The following NAPB variants were observed in gnomAD, a reference collection of about 807,000 sequenced individuals.
NAPB encodes beta-soluble NSF attachment protein.
NAPB carries 26 observed loss-of-function variants against 44.7 expected under a neutral mutation model. The observed-to-expected ratio is 0.58, with a 90% CI of 0.43 to 0.81. NAPB has a LOEUF of 0.81. Among genes scored for constraint, NAPB ranks in the 30% least tolerant of loss-of-function variants. The pLI, the probability that NAPB is intolerant of heterozygous loss-of-function variation, is 0.00. For missense variants in NAPB, 315 were observed against 356.4 expected, an observed-to-expected ratio of 0.88 and a Z score of 0.94; for synonymous variants, 120 against 116.8, an observed-to-expected ratio of 1.03 and a Z score of -0.18.
chr20:23,410,355 A>G (rs1043049797), intron 1 of NAPB, among the ~76,000 whole-genome samples: 1 of 152,070 alleles, frequency 6.6e-6, no homozygotes, highest in African/African-American at 2.4e-5. Flanking sequence ...AAACTCTGTG[A>G]CTCTCTACAC....
At chr20:23,383,800 T>C (rs57842978) in intron 7 of NAPB, among the ~76,000 whole-genome samples, 3,069 of 152,312 alleles carry the variant, frequency 0.02, 84 homozygotes, top group African/African-American at 0.07. Context: ...TTTCTTGAGT[T>C]TTCTAAATTA....
chr20:23,399,643 C>A (rs1984679473), intron 2 of NAPB, among the ~76,000 whole-genome samples: 1 of 152,242 alleles, frequency 6.6e-6, no homozygotes, highest in South Asian at 2.1e-4. Flanking sequence ...GCCCTGCTGG[C>A]CCCTTGTGAA....
rs533481429 is a variant in NAPB, at chr20:23,382,146, G to C, written c.562-829C>G. Among the ~76,000 whole-genome samples the C allele has an allele frequency of 2.0e-4, 31 of 152,266 alleles. No homozygotes were observed. In the East Asian group the frequency reaches 3.5e-3, roughly 17 times the overall value. On this transcript the variant is annotated intron_variant, in intron 7 of 10. Coordinates refer to ENST00000377026, the MANE Select transcript of NAPB (RefSeq NM_022080.3). ...AGGGTGAAGACTCTCACCATACCAA[G>C]AACAAACCAGCACTGTGCTGGCAGA...
chr20:23,418,847 T>C (rs1986185915), intron 1 of NAPB, among the ~76,000 whole-genome samples: 1 of 151,748 alleles, frequency 6.6e-6, no homozygotes, highest in Admixed American at 6.6e-5. Context: ...CTCAGGAGAC[T>C]GAGGCAGGAG....
At chr20:23,400,573 G>A (rs1984761528) in intron 2 of NAPB, among the ~76,000 whole-genome samples, 2 of 152,094 alleles carry the variant, frequency 1.3e-5, no homozygotes, top group African/African-American at 2.4e-5. Flanking sequence ...AAATTAAATG[G>A]TCTCTGGGAA....
chr20:23,403,133 T>A, intron 1 of NAPB, 61 bp from the exon 2 acceptor site: 1 of 1,203,886 alleles, frequency 8.3e-7, no homozygotes, highest in South Asian at 1.3e-5. Context: ...TCTCCCTCCC[T>A]CAAATGATTA....
chr20:23,420,991 G>C (rs896329092), intron 1 of NAPB, among the ~76,000 whole-genome samples: 1 of 151,210 alleles, frequency 6.6e-6, no homozygotes, highest in Non-Finnish European at 1.5e-5. Context: ...AGTTCTGCCG[G>C]CCCTAGGGGG....
intron 1 of NAPB, among the ~76,000 whole-genome samples, chr20:23,418,550 G>GC (rs147574721): frequency 0.015 from 2,332 of 152,270 alleles, 65 homozygotes; most frequent in African/African-American, 0.053. Context: ...CTTTCCTGGA[G>GC]CAAGTATTAC....
intron 7 of NAPB, among the ~76,000 whole-genome samples, chr20:23,386,042 TTGGAAATTAAATAAAA>T (rs1490512008): frequency 6.6e-6 from 1 of 152,174 alleles, no homozygotes; most frequent in African/African-American, 2.4e-5. Context: ...TGCTAGACAC[TTGGAAATTAAATAAAA>T]CACTACTAAA....
chr20:23,394,294 G>A (rs1369073555), intron 5 of NAPB, among the ~76,000 whole-genome samples: 1 of 152,146 alleles, frequency 6.6e-6, no homozygotes, highest in Non-Finnish European at 1.5e-5. Context: ...AAGGTAGTGA[G>A]TTGTGCCAAG....
chr20:23,395,512 T>G (rs1984294827), intron 3 of NAPB, among the ~76,000 whole-genome samples: 1 of 152,232 alleles, frequency 6.6e-6, no homozygotes, highest in Non-Finnish European at 1.5e-5. Context: ...TCACCAACAC[T>G]GATAAATTGT....
intron 7 of NAPB, 135 bp from the exon 8 acceptor site, chr20:23,381,452 G>C: frequency 1.8e-6 from 1 of 551,392 alleles, no homozygotes; most frequent in Non-Finnish European, 3.1e-6. Flanking sequence ...TATTTTATCC[G>C]AATACCATAT....
chr20:23,380,294 CAGAA>C (rs1600557403), intron 8 of NAPB, among the ~76,000 whole-genome samples: 1 of 152,174 alleles, frequency 6.6e-6, no homozygotes, highest in Non-Finnish European at 1.5e-5. Context: ...TCGAAGCTGA[CAGAA>C]AGAACAGTTT....
intron 8 of NAPB, 97 bp downstream of exon 8, chr20:23,381,116 G>T: frequency 2.4e-6 from 2 of 830,760 alleles, no homozygotes; most frequent in Non-Finnish European, 4.1e-6. Context: ...TTTATTCTTG[G>T]TACTAACATC....
intron 1 of NAPB, among the ~76,000 whole-genome samples, chr20:23,407,523 G>A (rs1985337673): frequency 6.6e-6 from 1 of 151,766 alleles, no homozygotes; most frequent in Non-Finnish European, 1.5e-5. Flanking sequence ...ACACTGCCCA[G>A]CTAGCACAAA....
At position 23,374,634 on chromosome 20, in the gene NAPB, C is replaced by T. The variant is rs541684830; in HGVS notation, c.*2742G>A. ...GCAGGAAGCCTGCTCTTGGTCATAG[C>T]TCATACCACAGCAGGCAGGTCACGG... On this transcript the variant is annotated 3_prime_UTR_variant, in exon 11 of 11. Transcript: ENST00000377026. The T allele has an allele frequency of 6.6e-6, 1 of 152,306 alleles. No homozygotes were observed. The highest frequency in any genetic ancestry group is 1.9e-4 in the East Asian group (1 of 5,184). The allele number at this position is 152,306 out of a possible 1,614,324, so 9.4% of individuals were successfully genotyped here.
At position 23,421,441 on chromosome 20, in the gene NAPB, C is replaced by G; in HGVS notation, c.-39G>C. The G allele has an allele frequency of 3.9e-6, 6 of 1,526,752 alleles. No homozygotes were observed. The highest frequency in any genetic ancestry group is 5.3e-6 in the Non-Finnish European group (6 of 1,133,706). 94.6% of individuals were successfully genotyped at this position (1,526,752 alleles called of 1,614,324 possible). A position where few individuals can be genotyped will look rare whatever the true frequency, so the allele number is the denominator to read the frequency against. ...GCCGCCACAGCCCCCTCAGCCGGCT[C>G]GCTGTGCGCCCAGGCGCCTTAACCC... On this transcript the variant is annotated 5_prime_UTR_variant, in exon 1 of 11. Coordinates refer to ENST00000377026, the MANE Select transcript of NAPB (RefSeq NM_022080.3).
In NAPB at chr20:23,395,167, T is replaced by C. The variant is rs1398267422; in HGVS notation, c.314A>G (p.Asn105Ser). The change falls in exon 4 of 11, where the codon AAT (asparagine) becomes AGT (serine). Residue 105 changes from asparagine (N) to serine (S), a missense_variant. By Grantham distance (46) the Asn-to-Ser change is conservative. Coordinates refer to ENST00000377026, the MANE Select transcript of NAPB (RefSeq NM_022080.3). ...GTCTGTGTAAATGTCGATGGCTGCA[T>C]TTAAGCAGTTGATAGCCTCTGAAGC... Reference protein sequence around the residue: ...ADPQEAINCLNAAIDIYTDMG... With the variant: ...ADPQEAINCLSAAIDIYTDMG... 6.2e-7 allele frequency: 1 copy of C among 1,614,200 alleles called. No individual in the cohort carries two copies.
At chr20:23,411,736 G>A (rs1388224321) in intron 1 of NAPB, among the ~76,000 whole-genome samples, 2 of 151,920 alleles carry the variant, frequency 1.3e-5, no homozygotes, top group African/African-American at 4.8e-5. Context: ...AATAATAGGC[G>A]CCTAAGTAAG....
Sources: allele counts gnomAD v4.1 joint callset (sites outside exome capture counted in the v4.1 genomes callset), GRCh38; gene constraint gnomAD v4.1.1; transcripts MANE v1.5; gene names NCBI Gene and HGNC (gene_info 2026-07-23, HGNC 2026-07-21).